Variants in SZT2 observed in about 807,000 individuals in gnomAD.
SZT2 encodes the protein KICSTOR complex protein SZT2.
Under a neutral mutation model 404.2 loss-of-function variants are expected in SZT2, and 216 were observed. That is an observed-to-expected ratio of 0.53 (90% CI 0.48 to 0.60). The LOEUF (loss-of-function observed/expected upper bound fraction) is 0.60. SZT2 is among the 20% of genes least tolerant of loss of function. The pLI, the probability that SZT2 is intolerant of heterozygous loss-of-function variation, is 0.00. For missense variants in SZT2, 3,857 were observed against 4,459.2 expected, an observed-to-expected ratio of 0.86 and a Z score of 3.85; for synonymous variants, 1,693 against 1,749.9, an observed-to-expected ratio of 0.97 and a Z score of 0.81.
Position 43,453,544 on chromosome 1 carries a change from C to T in SZT2, c.*3064C>T. ...GCCCCCGGCTCGGACACTCCCCTGC[C>T]CGCGCCCCGGCACCCCCCAGCCCTC... is the stretch of plus-strand genomic sequence containing the variant. On this transcript the variant is annotated 3_prime_UTR_variant, in exon 72 of 72. Transcript: ENST00000634258. 6.6e-7 allele frequency: 1 copy of T among 1,523,264 alleles called. No individual in the cohort carries two copies. 94.4% of individuals were successfully genotyped at this position (1,523,264 alleles called of 1,614,324 possible). A position where few individuals can be genotyped will look rare whatever the true frequency, so the allele number is the denominator to read the frequency against.
At chr1:43,391,678 G>T (rs1190427243) in intron 1 of SZT2, among the ~76,000 whole-genome samples, 3 of 152,212 alleles carry the variant, frequency 2.0e-5, no homozygotes, top group African/African-American at 7.2e-5. Flanking sequence ...GAGGGATGTT[G>T]TGGGGAAATG....
chr1:43,412,611 A>G (rs1398661673), intron 4 of SZT2: 1 of 152,230 alleles, frequency 6.6e-6, no homozygotes, highest in African/African-American at 2.4e-5. Context: ...AATACCCTGC[A>G]AGCACAAGCG....
At position 43,425,072 on chromosome 1, in the gene SZT2, C is replaced by T; in HGVS notation, c.2551-41C>T. On this transcript the variant is annotated intron_variant, in intron 17 of 71. Transcript: ENST00000634258. This position sits in a 1 kb window ranked among gnomAD's most constrained non-coding sequence, Gnocchi z 4.3. ...GAGCTAGGCCAGGCCAGATCTCTGC[C>T]TTGGCTGGGATTTGCCCAAGATCTC... The T allele has an allele frequency of 6.2e-7, 1 of 1,612,616 alleles. No individual in the cohort carries two copies. The highest frequency in any genetic ancestry group is 8.5e-7 in the Non-Finnish European group (1 of 1,178,646).
chr1:43,433,338 C>G (rs1350828131), intron 40 of SZT2, 148 bp downstream of exon 40: 1 of 780,702 alleles, frequency 1.3e-6, no homozygotes, highest in Non-Finnish European at 2.0e-6. Flanking sequence ...GTTGGTGGTT[C>G]CCGATCACTT....
At chr1:43,440,169 G>C (rs1654913287) in intron 51 of SZT2, 121 bp downstream of exon 51, 1 of 1,367,132 alleles carries the variant, frequency 7.3e-7, no homozygotes, top group Admixed American at 2.1e-5. Flanking sequence ...TACTACATCA[G>C]AACCACTTAT....
chr1:43,441,172 C>G lies in SZT2; in HGVS notation c.7345-42C>G, dbSNP rs767519115. ...ATAGTGCCCCCATCCCACACCTTTC[C>G]TCTTCCCAGTAGCCCTTCCTCATTC... On this transcript the variant is annotated intron_variant, in intron 52 of 71. Transcript: ENST00000634258. The surrounding 1 kb of genome is among the most constrained non-coding windows in gnomAD (Gnocchi z 4.8). 22 of 1,599,170 alleles carry G rather than the reference C, an allele frequency of 1.4e-5. No homozygotes were observed. Among genetic ancestry groups the G allele is most frequent in the Non-Finnish European group, 1.7e-5 (20 of 1,170,836 alleles).
Position 43,443,682 on chromosome 1 carries a change from G to C in SZT2, c.8711G>C (p.Arg2904Pro), listed in dbSNP as rs769574689. ...TTGGATGTGTCGCCCCCGGGAGCCCGTGAGGAGCCTTGGCTGAAGGAGCTG... is the reference window on the plus strand; with the variant it reads ...TTGGATGTGTCGCCCCCGGGAGCCCCTGAGGAGCCTTGGCTGAAGGAGCTG... ...ESLDVSPPGA[R>P]EEPWLKELSL... is the part of the protein sequence containing the mutation. Residue 2904 changes from arginine (R) to proline (P), a missense_variant, in exon 62 of 72, where the codon CGT becomes CCT. Physicochemically the swap from Arg to Pro is moderately radical, Grantham distance 103 (BLOSUM62 -2). This residue lies in a region of SZT2 where 717 missense variants were observed against 868.2 expected (regional missense o/e 0.83). Coordinates refer to ENST00000634258, the MANE Select transcript of SZT2 (RefSeq NM_001365999.1). 67 of 1,614,118 alleles carry C rather than the reference G, an allele frequency of 4.2e-5. No individual in the cohort carries two copies. The highest frequency in any genetic ancestry group is 5.3e-5 in the Non-Finnish European group (63 of 1,180,050).
Position 43,430,010 on chromosome 1 carries a change from G to A in SZT2, c.4309-1G>A, listed in dbSNP as rs1653665864. 6.2e-7 allele frequency: 1 copy of A among 1,614,192 alleles called. No homozygotes were observed. Among genetic ancestry groups the A allele is most frequent in the Admixed American group, 1.7e-5 (1 of 60,030 alleles). On this transcript the variant is annotated splice_acceptor_variant, in intron 29 of 71. Transcript: ENST00000634258. LOFTEE classifies it high-confidence loss of function. The stretch of plus-strand genomic sequence containing the variant: ...TAACCTCCTTCTAAACCCCACAACA[G>A]GAGAAGTTCCTAGAGATCAGTCGTC...
At position 43,437,412 on chromosome 1, in the gene SZT2, A is replaced by G; in HGVS notation, c.6194A>G (p.Gln2065Arg). ...GCCCATGTTATTCCCCCAGCCATCCAGGCCCTGCGCTCTGTGCTCAATGCC... is the reference window on the plus strand; with the variant it reads ...GCCCATGTTATTCCCCCAGCCATCCGGGCCCTGCGCTCTGTGCTCAATGCC... ...GPSMGVSRAI[Q>R]ALRSVLNAFS... The change falls in exon 44 of 72, where the codon CAG (glutamine) becomes CGG (arginine). Residue 2065 changes from glutamine to arginine, a missense_variant. By Grantham distance (43) the Gln-to-Arg change is conservative. Coordinates refer to ENST00000634258, the MANE Select transcript of SZT2 (RefSeq NM_001365999.1). The surrounding 1 kb of genome is among the most constrained non-coding windows in gnomAD (Gnocchi z 5.3). The G allele has an allele frequency of 6.2e-7, 1 of 1,614,130 alleles. No individual in the cohort carries two copies. Among genetic ancestry groups the G allele is most frequent in the South Asian group, 1.1e-5 (1 of 91,068 alleles).
chr1:43,439,229 A>ATTATTACCCGCCTGTGTC lies in SZT2; in HGVS notation c.6793-126_6793-109dup. 1 of 1,520,136 alleles carries ATTATTACCCGCCTGTGTC rather than the reference A, an allele frequency of 6.6e-7. No homozygotes were observed. Among genetic ancestry groups the ATTATTACCCGCCTGTGTC allele is most frequent in the South Asian group, 1.2e-5 (1 of 85,684 alleles). 94.2% of individuals were successfully genotyped at this position (1,520,136 alleles called of 1,614,324 possible). On this transcript the variant is annotated intron_variant, in intron 48 of 71. Coordinates refer to ENST00000634258, the MANE Select transcript of SZT2 (RefSeq NM_001365999.1). This position sits in a 1 kb window ranked among gnomAD's most constrained non-coding sequence, Gnocchi z 4.2. ...GTACACCCATGCCCCCCCGGGGACC[A>ATTATTACCCGCCTGTGTC]TTATTACCCGCCTGTGTCTTCTCAT...
At chr1:43,446,045 C>A in intron 63 of SZT2, 61 bp downstream of exon 63, 1 of 1,596,344 alleles carries the variant, frequency 6.3e-7, no homozygotes, top group South Asian at 1.1e-5. Context: ...GGCCTGAGGT[C>A]ATTGACCCTG....
rs1319582561 is a variant in SZT2, at chr1:43,444,424, T to TATGTAC, written c.8825+629_8825+630insTGTACA. Among the ~76,000 whole-genome samples the TATGTAC allele has an allele frequency of 2.0e-5, 3 of 152,168 alleles. No homozygotes were observed. In the East Asian group the frequency reaches 5.8e-4, roughly 29 times the overall value. On this transcript the variant is annotated intron_variant, in intron 62 of 71. Transcript: ENST00000634258. ...CACATGTGAATCTTGTACATGCTCC[T>TATGTAC]AAGCCTCTGGATCTAGGACTTAATG...
chr1:43,438,833 G>A lies in SZT2; in HGVS notation c.6627+16G>A, dbSNP rs748074793. 4 of 1,611,920 alleles carry A rather than the reference G, an allele frequency of 2.5e-6. No homozygotes were observed. The highest frequency in any genetic ancestry group is 8.5e-7 in the Non-Finnish European group (1 of 1,178,592). On this transcript the variant is annotated intron_variant, in intron 47 of 71. Coordinates refer to ENST00000634258, the MANE Select transcript of SZT2 (RefSeq NM_001365999.1). ...TGATGTGGAGGTCAGCTCCCCTCTA[G>A]GCACCAGCATCCTTCCCAGACTCAG...
intron 36 of SZT2, 102 bp downstream of exon 36, chr1:43,432,003 G>A (rs2153934110): frequency 7.1e-7 from 1 of 1,399,706 alleles, no homozygotes; most frequent in East Asian, 2.3e-5. Context: ...AACTCATAGA[G>A]TTATCCCTCC....
chr1:43,437,682 C>G lies in SZT2; in HGVS notation c.6378C>G (p.Ile2126Met). The G allele has an allele frequency of 6.2e-7, 1 of 1,614,168 alleles. No homozygotes were observed. The highest frequency in any genetic ancestry group is 8.5e-7 in the Non-Finnish European group (1 of 1,180,028). Residue 2126 changes from isoleucine to methionine, a missense_variant, in exon 45 of 72, where the codon ATC becomes ATG. Around this residue, in one of 7 missense-constraint regions of SZT2, gnomAD observed 261 missense variants for 372.9 expected, o/e 0.70. Transcript: ENST00000634258. This position sits in a 1 kb window ranked among gnomAD's most constrained non-coding sequence, Gnocchi z 5.3. ...CTCTGTCCCGAAGCCAAGAGCCCATCTACTCTGAGGAAGCCTCGGCATGTA... is the reference window on the plus strand; with the variant it reads ...CTCTGTCCCGAAGCCAAGAGCCCATGTACTCTGAGGAAGCCTCGGCATGTA... ...SLALSRSQEPIYSEEASGPRS... is the reference protein window; with the variant it reads ...SLALSRSQEPMYSEEASGPRS...
intron 4 of SZT2, among the ~76,000 whole-genome samples, chr1:43,414,018 A>G (rs903642263): frequency 2.6e-5 from 4 of 152,212 alleles, no homozygotes; most frequent in Non-Finnish European, 4.4e-5. Context: ...ATGGTGACTC[A>G]TGCCTGTAAT....
intron 60 of SZT2, 32 bp downstream of exon 60, chr1:43,443,299 T>TATCTG (rs1655280846): frequency 1.2e-6 from 2 of 1,614,144 alleles, no homozygotes; most frequent in East Asian, 4.5e-5. Flanking sequence ...CTTCCTTGAG[T>TATCTG]ATCTGTGATC....
chr1:43,451,641 C>T lies in SZT2; in HGVS notation c.*1161C>T. The T allele has an allele frequency of 1.2e-6, 2 of 1,614,158 alleles. No homozygotes were observed. The highest frequency in any genetic ancestry group is 1.7e-6 in the Non-Finnish European group (2 of 1,180,000). ...AAGGGTGGGAGGGCAAAGGAAGGTCCTCTCACCAACAATGGGCAGGAACTC... is the reference window on the plus strand; with the variant it reads ...AAGGGTGGGAGGGCAAAGGAAGGTCTTCTCACCAACAATGGGCAGGAACTC... On this transcript the variant is annotated 3_prime_UTR_variant, in exon 72 of 72. Coordinates refer to ENST00000634258, the MANE Select transcript of SZT2 (RefSeq NM_001365999.1).
chr1:43,417,430 G>C (rs1651844194), intron 7 of SZT2, among the ~76,000 whole-genome samples: 1 of 152,208 alleles, frequency 6.6e-6, no homozygotes, highest in African/African-American at 2.4e-5. Context: ...AAGAGAAGCA[G>C]TTGTGGTAGA....
Sources: gnomAD v4.1 joint callset for allele counts (sites outside exome capture counted in the v4.1 genomes callset) on GRCh38, gnomAD v4.1.1 for gene constraint, gnomAD v4.1.1 regional missense constraint, Gnocchi (gnomAD v3.1) non-coding constraint, MANE v1.5 for transcripts, NCBI Gene and HGNC (gene_info 2026-07-23, HGNC 2026-07-21) for gene names.